Variants in PPP3CC observed in about 807,000 individuals in gnomAD.
PPP3CC encodes serine/threonine-protein phosphatase 2B catalytic subunit gamma isoform.
PPP3CC carries 35 observed loss-of-function variants against 60.3 expected under a neutral mutation model. The ratio of observed to expected loss-of-function variants is 0.58; its 90% confidence interval spans 0.44 to 0.77. The LOEUF (loss-of-function observed/expected upper bound fraction) is 0.77, where lower values mean the gene tolerates loss of function less well. Among genes scored for constraint, PPP3CC ranks in the 30% least tolerant of loss-of-function variants. The pLI is 0.00. For missense variants in PPP3CC, 570 were observed against 628.9 expected, an observed-to-expected ratio of 0.91 and a Z score of 1.00; for synonymous variants, 206 against 224.3, an observed-to-expected ratio of 0.92 and a Z score of 0.73.
chr8:22,463,789 CTT>C (rs903248905), intron 1 of PPP3CC, among the ~76,000 whole-genome samples: 15 of 140,582 alleles, frequency 1.1e-4, no homozygotes, highest in Non-Finnish European at 9.4e-5. Context: ...TGTATGTTTT[CTT>C]TTTTTTTTTT....
intron 10 of PPP3CC, chr8:22,531,262 T>A (rs908813609): frequency 8.6e-6 from 13 of 1,509,252 alleles, no homozygotes; most frequent in Non-Finnish European, 1.2e-5. Context: ...CATATTTCTG[T>A]CTTCATCTCC....
chr8:22,520,852 A>G (rs1839387474), intron 6 of PPP3CC, among the ~76,000 whole-genome samples: 2 of 152,080 alleles, frequency 1.3e-5, no homozygotes, highest in South Asian at 4.1e-4. Context: ...TGGTGGTGTC[A>G]TTTTTGCCTG....
At chr8:22,501,727 T>G (rs1238554509) in intron 4 of PPP3CC, among the ~76,000 whole-genome samples, 1 of 152,190 alleles carries the variant, frequency 6.6e-6, no homozygotes, top group Non-Finnish European at 1.5e-5. Context: ...AGGCTCACCT[T>G]AGGTCAGGCA....
At chr8:22,532,524 G>A (rs1839744352) in intron 11 of PPP3CC, among the ~76,000 whole-genome samples, 1 of 152,190 alleles carries the variant, frequency 6.6e-6, no homozygotes, top group African/African-American at 2.4e-5. Flanking sequence ...GGTTTAGTGT[G>A]GACTTTCCAA....
At chr8:22,498,145 G>A in intron 4 of PPP3CC, 33 bp downstream of exon 4, 1 of 1,439,220 alleles carries the variant, frequency 6.9e-7, no homozygotes. Context: ...AACCTTTTTA[G>A]TTACCCTTTA....
chr8:22,531,162 T>C, intron 10 of PPP3CC: 1 of 757,822 alleles, frequency 1.3e-6, no homozygotes, highest in South Asian at 1.7e-5. Flanking sequence ...ATATCTCTTA[T>C]GAGCTGGTAA....
chr8:22,512,544 G>T (rs1442114824), intron 5 of PPP3CC, among the ~76,000 whole-genome samples: 3 of 152,230 alleles, frequency 2.0e-5, no homozygotes, highest in East Asian at 3.9e-4. Context: ...TTAAAATAAA[G>T]AAATCTCCAC....
intron 3 of PPP3CC, 168 bp downstream of exon 3, chr8:22,475,792 C>CT (rs34368541): frequency 2.9e-6 from 2 of 678,484 alleles, no homozygotes. Context: ...ACAGTTATTC[C>CT]TTTTTTAAAA....
At chr8:22,525,092 A>G (rs1241657574) in intron 8 of PPP3CC, among the ~76,000 whole-genome samples, 1 of 152,164 alleles carries the variant, frequency 6.6e-6, no homozygotes, top group Non-Finnish European at 1.5e-5. Flanking sequence ...TCGAGGCTGC[A>G]GTGAGCTGTG....
chr8:22,523,193 T>C (rs914389061), intron 8 of PPP3CC, among the ~76,000 whole-genome samples: 1 of 151,422 alleles, frequency 6.6e-6, no homozygotes, highest in Non-Finnish European at 1.5e-5. Flanking sequence ...GTGTACAAAG[T>C]CAAAAAAAAA....
intron 2 of PPP3CC, 27 bp from the exon 3 acceptor site, chr8:22,475,473 C>G (rs1837858735): frequency 6.3e-7 from 1 of 1,594,304 alleles, no homozygotes. Context: ...TATAATTTCT[C>G]ACATCACTTT....
intron 1 of PPP3CC, among the ~76,000 whole-genome samples, chr8:22,453,130 G>A (rs1837086107): frequency 6.6e-6 from 1 of 152,122 alleles, no homozygotes; most frequent in Non-Finnish European, 1.5e-5. Flanking sequence ...GGTGTAAAAT[G>A]GGAGATAGTG....
chr8:22,474,706 A>G (rs1434969154), intron 1 of PPP3CC, among the ~76,000 whole-genome samples: 1 of 152,204 alleles, frequency 6.6e-6, no homozygotes, highest in Non-Finnish European at 1.5e-5. Context: ...CTCCATCTCA[A>G]AAAAACAAAC....
At chr8:22,473,700 G>A (rs962353081) in intron 1 of PPP3CC, among the ~76,000 whole-genome samples, 7 of 152,020 alleles carry the variant, frequency 4.6e-5, no homozygotes, top group African/African-American at 1.7e-4. Flanking sequence ...CCGACCTCAG[G>A]TGATCCACCT....
rs1169878159 is a variant in PPP3CC at position 22,447,333 on chromosome 8, C to T, written c.49+5875C>T. 2.6e-5 allele frequency among the ~76,000 whole-genome samples: 4 copies of T among 152,066 alleles called. No homozygotes were observed. In the East Asian group the frequency reaches 7.7e-4, roughly 29 times the overall value. ...TAGCTGGGACTACAGGCACCTGCCA[C>T]CATGCCCGGCTAATTTTTTTTTGTA... On this transcript the variant is annotated intron_variant, in intron 1 of 13. Transcript: ENST00000240139.
At chr8:22,481,434 T>TA (rs1289829940) in intron 3 of PPP3CC, among the ~76,000 whole-genome samples, 7 of 151,028 alleles carry the variant, frequency 4.6e-5, no homozygotes, top group Non-Finnish European at 1.0e-4. Flanking sequence ...TACAGAAAGT[T>TA]ACATGGATGT....
chr8:22,526,090 T>C (rs1174745476), intron 8 of PPP3CC, among the ~76,000 whole-genome samples: 1 of 151,496 alleles, frequency 6.6e-6, no homozygotes, highest in Non-Finnish European at 1.5e-5. Flanking sequence ...CTGGTCTCAA[T>C]CTCCTGAGCT....
At chr8:22,472,459 C>G (rs890233008) in intron 1 of PPP3CC, among the ~76,000 whole-genome samples, 16 of 150,602 alleles carry the variant, frequency 1.1e-4, no homozygotes, top group Non-Finnish European at 1.6e-4. Flanking sequence ...GGCTTGCCCC[C>G]CTACATCTTT....
intron 4 of PPP3CC, among the ~76,000 whole-genome samples, chr8:22,508,498 A>T (rs1327108965): frequency 2.0e-5 from 3 of 152,248 alleles, no homozygotes; most frequent in African/African-American, 7.2e-5. Flanking sequence ...CTTTTTGCTT[A>T]ATTTTTGACC....
Sources: allele counts gnomAD v4.1 joint callset (sites outside exome capture counted in the v4.1 genomes callset), GRCh38; gene constraint gnomAD v4.1.1; transcripts MANE v1.5; gene names NCBI Gene and HGNC (gene_info 2026-07-23, HGNC 2026-07-21).